TNR: variants seen among roughly 807,000 people sequenced by gnomAD.
TNR encodes tenascin R, also known as tenascin-R.
Under a neutral mutation model 150.4 loss-of-function variants are expected in TNR, and 45 were observed. The observed-to-expected ratio is 0.30, with a 90% CI of 0.24 to 0.38. The LOEUF is 0.38. TNR is among the 10% of genes least tolerant of loss of function. TNR has a pLI of 1.00. For synonymous variants in TNR, 687 were observed against 678.4 expected (o/e 1.01, Z -0.20); for missense variants, 1,544 against 1,759.1 (o/e 0.88, Z 2.19).
At chr1:175,686,580 G>A (rs1666208743) in intron 1 of TNR, among the ~76,000 whole-genome samples, 1 of 152,094 alleles carries the variant, frequency 6.6e-6, no homozygotes. Context: ...TGCTTCGATT[G>A]AGCCCATCAC....
chr1:175,725,039 T>C (rs915076893), intron 1 of TNR, among the ~76,000 whole-genome samples: 12 of 152,168 alleles, frequency 7.9e-5, no homozygotes, highest in African/African-American at 2.7e-4. Context: ...TTAAGAACTT[T>C]TGCCTGTGTC....
chr1:175,432,540 C>T, intron 2 of TNR, among the ~76,000 whole-genome samples: 1 of 151,482 alleles, frequency 6.6e-6, no homozygotes, highest in Non-Finnish European at 1.5e-5. Flanking sequence ...TGTTCTTGTT[C>T]CCCATTATTT....
chr1:175,572,155 T>C (rs1469817310), intron 1 of TNR, among the ~76,000 whole-genome samples: 1 of 152,106 alleles, frequency 6.6e-6, no homozygotes, highest in South Asian at 2.1e-4. Context: ...GCACTAATGT[T>C]AATGAGCTCA....
chr1:175,573,875 C>CT (rs1639433154), intron 1 of TNR, among the ~76,000 whole-genome samples: 2 of 152,168 alleles, frequency 1.3e-5, no homozygotes, highest in South Asian at 4.1e-4. Context: ...AATGGCAGCC[C>CT]TTGGTCAGAG....
intron 2 of TNR, among the ~76,000 whole-genome samples, chr1:175,473,953 G>A (rs1657411866): frequency 6.6e-6 from 1 of 152,114 alleles, no homozygotes; most frequent in Non-Finnish European, 1.5e-5. Flanking sequence ...CCCTTGAGCT[G>A]TCAGTGCACA....
intron 1 of TNR, among the ~76,000 whole-genome samples, chr1:175,688,992 A>G (rs1666278854): frequency 6.6e-6 from 1 of 152,204 alleles, no homozygotes. Flanking sequence ...TAAATGAATA[A>G]AACACGGCCA....
At chr1:175,376,857 A>ATTT (rs200447454) in intron 9 of TNR, among the ~76,000 whole-genome samples, 2 of 113,484 alleles carry the variant, frequency 1.8e-5, no homozygotes, top group Admixed American at 9.3e-5. Context: ...TATAAATGTA[A>ATTT]TATTATATAT....
At chr1:175,532,814 T>G (rs1448876864) in intron 1 of TNR, among the ~76,000 whole-genome samples, 5 of 152,158 alleles carry the variant, frequency 3.3e-5, no homozygotes, top group Non-Finnish European at 5.9e-5. Context: ...TCTCCCCATG[T>G]GGGCTTCTAC....
chr1:175,585,360 C>CA (rs1662524220), intron 1 of TNR, among the ~76,000 whole-genome samples: 1 of 152,154 alleles, frequency 6.6e-6, no homozygotes, highest in South Asian at 2.1e-4. Context: ...AGTTCTGAAA[C>CA]AAAATCACAA....
intron 1 of TNR, among the ~76,000 whole-genome samples, chr1:175,541,095 T>C (rs1425140555): frequency 1.3e-5 from 2 of 152,178 alleles, no homozygotes; most frequent in Admixed American, 6.5e-5. Context: ...CTGGTTACTA[T>C]TTATTCTCCA....
intron 1 of TNR, among the ~76,000 whole-genome samples, chr1:175,729,168 A>G (rs1167034497): frequency 6.6e-6 from 1 of 150,974 alleles, no homozygotes; most frequent in Non-Finnish European, 1.5e-5. Context: ...CCTTCCTTCC[A>G]TTTTTTTTAA....
intron 2 of TNR, among the ~76,000 whole-genome samples, chr1:175,444,833 A>C (rs960876784): frequency 6.6e-6 from 1 of 152,212 alleles, no homozygotes; most frequent in Admixed American, 6.5e-5. Context: ...ATGATAAAGC[A>C]AAAATCATGC....
chr1:175,416,263 G>A (rs1211281003), intron 2 of TNR, among the ~76,000 whole-genome samples: 1 of 152,106 alleles, frequency 6.6e-6, no homozygotes, highest in Non-Finnish European at 1.5e-5. Context: ...ATAGATGAGG[G>A]TATGGGAATG....
intron 1 of TNR, among the ~76,000 whole-genome samples, chr1:175,677,929 CAGGGGGCT>C (rs1370408445): frequency 6.6e-6 from 1 of 151,640 alleles, no homozygotes; most frequent in East Asian, 1.9e-4. Context: ...AAAGAGAAGC[CAGGGGGCT>C]AGGAGTAAGT....
rs554882765 is a variant in TNR, at chr1:175,629,496, G to A, written c.-164-101127C>T. Among the ~76,000 whole-genome samples, 17 of 152,132 alleles carry A rather than the reference G, an allele frequency of 1.1e-4. 1 individual carries two copies. The highest frequency in any genetic ancestry group is 6.2e-4 in the South Asian group (3 of 4,814). On this transcript the variant is annotated intron_variant, in intron 1 of 22. Coordinates refer to ENST00000367674, the MANE Select transcript of TNR (RefSeq NM_003285.3). The stretch of plus-strand genomic sequence containing the variant: ...ATTGCTGAGAACAATTTTTTTTTCT[G>A]TATAGAGATGTGGGGGAGGGGTGAG...
intron 3 of TNR, 139 bp downstream of exon 3, chr1:175,406,074 TTTG>T: frequency 8.7e-7 from 1 of 1,143,976 alleles, no homozygotes; most frequent in Non-Finnish European, 1.2e-6. Context: ...ACTTTTTTCC[TTTG>T]ACCGTGTGAA....
At chr1:175,418,190 G>A (rs1313015748) in intron 2 of TNR, among the ~76,000 whole-genome samples, 4 of 152,138 alleles carry the variant, frequency 2.6e-5, no homozygotes, top group African/African-American at 7.2e-5. Context: ...AGATGTTGAG[G>A]TCAGGATAGA....
At chr1:175,495,572 C>T (rs1442273430) in intron 2 of TNR, among the ~76,000 whole-genome samples, 1 of 152,184 alleles carries the variant, frequency 6.6e-6, no homozygotes, top group African/African-American at 2.4e-5. Flanking sequence ...TTCTATAATA[C>T]CCCCACTGTA....
At chr1:175,523,054 T>C (rs1247190041) in intron 2 of TNR, among the ~76,000 whole-genome samples, 1 of 152,240 alleles carries the variant, frequency 6.6e-6, no homozygotes, top group Non-Finnish European at 1.5e-5. Flanking sequence ...CAGCGTGCTC[T>C]GCAATTCTCT....
Sources: gnomAD v4.1 joint callset for allele counts (sites outside exome capture counted in the v4.1 genomes callset) on GRCh38, gnomAD v4.1.1 for gene constraint, MANE v1.5 for transcripts, NCBI Gene and HGNC (gene_info 2026-07-23, HGNC 2026-07-21) for gene names.